The following DAB2IP variants were observed in gnomAD, a reference collection of about 807,000 sequenced individuals.
DAB2IP encodes disabled homolog 2-interacting protein.
A neutral mutation model predicts 107.2 loss-of-function variants in DAB2IP; 28 were observed. That is an observed-to-expected ratio of 0.26 (90% CI 0.19 to 0.36). DAB2IP has a LOEUF of 0.36. Among genes scored for constraint, DAB2IP ranks in the 10% least tolerant of loss-of-function variants. The pLI is 1.00. For missense variants in DAB2IP, 1,400 were observed against 1,644.7 expected (o/e 0.85, Z 2.57); for synonymous variants, 755 against 706.4 (o/e 1.07, Z -1.09).
At chr9:121,640,434 A>G (rs1832244169) in intron 1 of DAB2IP, among the ~76,000 whole-genome samples, 1 of 152,104 alleles carries the variant, frequency 6.6e-6, no homozygotes, top group Non-Finnish European at 1.5e-5. Flanking sequence ...GGCCCAGAAC[A>G]TTGTGAAACT....
At chr9:121,598,143 C>T (rs1470577879) in intron 1 of DAB2IP, 1 of 152,276 alleles carries the variant, frequency 6.6e-6, no homozygotes, top group African/African-American at 2.4e-5. Flanking sequence ...ACGCTGGCTT[C>T]CCCCTGGAAT....
chr9:121,651,742 C>G lies in DAB2IP; in HGVS notation c.-34C>G, dbSNP rs571450547. ...GGCCGATGGGGCCCGTGTGAGCGCG[C>G]CCAGGCCCGGCCCGGTGCCCGGCGG... On this transcript the variant is annotated 5_prime_UTR_variant, in exon 1 of 16. Coordinates refer to ENST00000408936, the Ensembl canonical transcript of DAB2IP. This position sits in a 1 kb window ranked among gnomAD's most constrained non-coding sequence, Gnocchi z 5.1. 15 of 1,264,304 alleles carry G rather than the reference C, an allele frequency of 1.2e-5. No homozygotes were observed. In the African/African-American group the frequency reaches 2.0e-4, roughly 17 times the overall value. 78.3% of individuals were successfully genotyped at this position (1,264,304 alleles called of 1,614,324 possible).
At chr9:121,695,715 T>A (rs1829388349) in intron 2 of DAB2IP, among the ~76,000 whole-genome samples, 1 of 152,146 alleles carries the variant, frequency 6.6e-6, no homozygotes, top group Non-Finnish European at 1.5e-5. Context: ...CCACCTATAA[T>A]CTTTGCAGAT....
rs553973514 is a variant in DAB2IP at position 121,635,147 on chromosome 9, G to A, written c.41-43531G>A. On this transcript the variant is annotated intron_variant, in intron 1 of 16. Transcript: ENST00000259371. The surrounding 1 kb of genome is among the most constrained non-coding windows in gnomAD (Gnocchi z 4.3). The stretch of plus-strand genomic sequence containing the variant: ...GGAGAGGCCAGGCCTCCGTGTGGCC[G>A]GTCAATGCCTCAGGAGGTCAGCAGG... Among the ~76,000 whole-genome samples the A allele has an allele frequency of 1.1e-4, 16 of 152,290 alleles. No homozygotes were observed. Among genetic ancestry groups the A allele is most frequent in the East Asian group, 5.8e-4 (3 of 5,190 alleles).
intron 1 of DAB2IP, among the ~76,000 whole-genome samples, chr9:121,659,105 T>G (rs557235220): frequency 2.4e-4 from 36 of 152,234 alleles, no homozygotes; most frequent in Non-Finnish European, 5.1e-4. Flanking sequence ...GCCATGAGGC[T>G]CTGCCTTCCT....
In DAB2IP at chr9:121,776,201, C is replaced by T. The variant is rs1323892586; in HGVS notation, c.3124C>T (p.Leu1042=). Residue 1042 remains leucine (L), a synonymous_variant, in exon 14 of 16, where the codon CTG becomes TTG. Transcript: ENST00000408936. The surrounding 1 kb of genome is among the most constrained non-coding windows in gnomAD (Gnocchi z 5.4). ...GTGGACGCTGCCCTCCTGGTAGGAC[C>T]TGGCGGTGCTGCAGGACAAGCTGCG... 6.4e-7 allele frequency: 1 copy of T among 1,572,080 alleles called. No individual in the cohort carries two copies. The highest frequency in any genetic ancestry group is 2.3e-5 in the East Asian group (1 of 42,918).
intron 2 of DAB2IP, among the ~76,000 whole-genome samples, chr9:121,689,546 T>C (rs1201326478): frequency 7.7e-6 from 1 of 129,228 alleles, no homozygotes; most frequent in African/African-American, 2.9e-5. Context: ...TCCTCAGTCC[T>C]GGAGCTCCCT....
Position 121,772,857 on chromosome 9 carries a change from G to A in DAB2IP, c.2329G>A (p.Ala777Thr), listed in dbSNP as rs756550110. 3.9e-5 allele frequency: 62 copies of A among 1,593,294 alleles called. No individual in the cohort carries two copies. Among genetic ancestry groups the A allele is most frequent in the Non-Finnish European group, 4.5e-5 (53 of 1,171,834 alleles). The change falls in exon 12 of 16, where the codon GCT becomes ACT. Residue 777 changes from alanine to threonine, a missense_variant. Around this residue, in one of 3 missense-constraint regions of DAB2IP, gnomAD observed 600 missense variants for 659.1 expected, o/e 0.91. Transcript: ENST00000408936. This position sits in a 1 kb window ranked among gnomAD's most constrained non-coding sequence, Gnocchi z 4.7. The stretch of plus-strand genomic sequence containing the variant: ...CGTCCTCCCCACAGATGGGCAGGCC[G>A]CTGCAGCTCAGCTGGTGGCCGGGTG...
chr9:121,704,718 C>G lies in DAB2IP; in HGVS notation c.362+5260C>G, dbSNP rs2118754306. ...CCACCTTCCTCCCGTCCTCTCCTCT[C>G]CATAAGGAAATCAGGTTTAATTCCT... On this transcript the variant is annotated intron_variant, in intron 3 of 15. Transcript: ENST00000408936. Among the ~76,000 whole-genome samples the G allele has an allele frequency of 2.0e-5, 3 of 152,342 alleles. No individual in the cohort carries two copies. In the South Asian group the frequency reaches 6.2e-4, roughly 32 times the overall value.
chr9:121,632,828 G>A (rs1831943990), intron 1 of DAB2IP, among the ~76,000 whole-genome samples: 1 of 152,240 alleles, frequency 6.6e-6, no homozygotes. Flanking sequence ...CCTCCCTGAA[G>A]AGGAATGCGG....
chr9:121,622,607 G>C (rs533188770), intron 1 of DAB2IP, among the ~76,000 whole-genome samples: 1 of 152,148 alleles, frequency 6.6e-6, no homozygotes, highest in African/African-American at 2.4e-5. Context: ...TCTCTCTCTC[G>C]GGAGGTAAGA....
intron 1 of DAB2IP, among the ~76,000 whole-genome samples, chr9:121,606,365 A>G (rs1201191672): frequency 6.6e-6 from 1 of 151,674 alleles, no homozygotes; most frequent in Non-Finnish European, 1.5e-5. Flanking sequence ...TTCTGTCTCA[A>G]TAATAATAAT....
upstream of DAB2IP, among the ~76,000 whole-genome samples, chr9:121,648,528 G>A (rs2119052949): frequency 6.6e-6 from 1 of 152,192 alleles, no homozygotes; most frequent in South Asian, 2.1e-4. Context: ...GGAGGGTAAA[G>A]GTGCTGGTGG....
rs181049730 is a variant in DAB2IP, at chr9:121,588,399, C to T, written c.40+21171C>T. On this transcript the variant is annotated intron_variant, in intron 1 of 16. Coordinates refer to the DAB2IP transcript ENST00000259371. ...TGCTGGGTCATTCCCACCAGCTGGG[C>T]ACCTAGCGAGTGCTTCCCGTCCTCC... 2.8e-3 allele frequency among the ~76,000 whole-genome samples: 433 copies of T among 152,050 alleles called. 2 individuals are homozygous for T. The highest frequency in any genetic ancestry group is 0.01 in the African/African-American group (415 of 41,462).
intron 3 of DAB2IP, among the ~76,000 whole-genome samples, chr9:121,731,136 A>T (rs1299272843): frequency 6.6e-6 from 1 of 152,004 alleles, no homozygotes; most frequent in Non-Finnish European, 1.5e-5. Flanking sequence ...TGTTATATAT[A>T]TTTTTTTGTT....
chr9:121,641,626 C>T (rs1832288479), intron 1 of DAB2IP, among the ~76,000 whole-genome samples: 1 of 152,154 alleles, frequency 6.6e-6, no homozygotes, highest in South Asian at 2.1e-4. Flanking sequence ...ATCTCTGTGC[C>T]AGTTCCTTCA....
chr9:121,736,249 C>T lies in DAB2IP; in HGVS notation c.363-20764C>T, dbSNP rs929813357. 2.6e-5 allele frequency among the ~76,000 whole-genome samples: 4 copies of T among 152,196 alleles called. No homozygotes were observed. Among genetic ancestry groups the T allele is most frequent in the Non-Finnish European group, 5.9e-5 (4 of 68,030 alleles). ...TCTCTGGGCTGCGCTGGTCTAAGCC[C>T]GACGAACCCGGGGTGGGGCCAGCGG... On this transcript the variant is annotated intron_variant, in intron 3 of 15. Coordinates refer to ENST00000408936, the Ensembl canonical transcript of DAB2IP. The surrounding 1 kb of genome is among the most constrained non-coding windows in gnomAD (Gnocchi z 4.6).
chr9:121,760,227 G>A lies in DAB2IP; in HGVS notation c.958G>A (p.Gly320Ser). ...CCCGGTGGTGACGCCCAACCCCAAG[G>A]GCGGCAAGGGCCCTGGACCCATGAT... The change falls in exon 6 of 16, where the codon GGC becomes AGC. Residue 320 changes from glycine (G) to serine (S), a missense_variant. By Grantham distance (56) the Gly-to-Ser change is moderately conservative. Coordinates refer to ENST00000408936, the Ensembl canonical transcript of DAB2IP. This position sits in a 1 kb window ranked among gnomAD's most constrained non-coding sequence, Gnocchi z 5.9. 3 of 1,613,556 alleles carry A rather than the reference G, an allele frequency of 1.9e-6. No individual in the cohort carries two copies. The highest frequency in any genetic ancestry group is 1.1e-5 in the South Asian group (1 of 91,064).
rs1226293049 is a variant in DAB2IP at position 121,696,621 on chromosome 9, C to G, written c.229-2704C>G. On this transcript the variant is annotated intron_variant, in intron 2 of 15. Transcript: ENST00000408936. ...AGCTGTGTGGCTGGGCAGAGCAGAG[C>G]AGAGGACTGGAGTCCACGGTCCTTG... Among the ~76,000 whole-genome samples the G allele has an allele frequency of 2.0e-5, 3 of 152,124 alleles. No homozygotes were observed. In the East Asian group the frequency reaches 5.8e-4, roughly 29 times the overall value.
Sources: gnomAD v4.1 joint callset for allele counts (sites outside exome capture counted in the v4.1 genomes callset) on GRCh38, gnomAD v4.1.1 for gene constraint, gnomAD v4.1.1 regional missense constraint, Gnocchi (gnomAD v3.1) non-coding constraint, MANE v1.5 for transcripts, NCBI Gene and HGNC (gene_info 2026-07-23, HGNC 2026-07-21) for gene names.